The following PIAS4 variants were observed in gnomAD, a reference collection of about 807,000 sequenced individuals.
PIAS4 encodes the protein protein inhibitor of activated STAT 4.
A neutral mutation model predicts 58.0 loss-of-function variants in PIAS4; 7 were observed. The observed-to-expected ratio is 0.12, with a 90% confidence interval of 0.07 to 0.23. The LOEUF (loss-of-function observed/expected upper bound fraction) is 0.23. PIAS4 is among the 10% of genes least tolerant of loss of function. The pLI, the probability that PIAS4 is intolerant of heterozygous loss-of-function variation, is 1.00. For synonymous variants in PIAS4, 364 were observed against 312.4 expected (o/e 1.17, Z -1.74); for missense variants, 550 against 709.5 (o/e 0.78, Z 2.55).
At chr19:4,019,105 C>T (rs1020798202) in intron 2 of PIAS4, among the ~76,000 whole-genome samples, 3 of 152,108 alleles carry the variant, frequency 2.0e-5, no homozygotes, top group Non-Finnish European at 4.4e-5. Flanking sequence ...ACAGGACTGG[C>T]TGAGGGAGTG....
At chr19:4,029,412 C>G (rs1035816202) in intron 7 of PIAS4, among the ~76,000 whole-genome samples, 4 of 152,162 alleles carry the variant, frequency 2.6e-5, no homozygotes, top group African/African-American at 7.2e-5. Flanking sequence ...TTCTCGTTGC[C>G]TCAGCGGGGC....
Position 4,033,166 on chromosome 19 carries a change from T to A in PIAS4, c.974T>A (p.Ile325Asn). 6.2e-7 allele frequency: 1 copy of A among 1,609,794 alleles called. No individual in the cohort carries two copies. Among genetic ancestry groups the A allele is most frequent in the Non-Finnish European group, 8.5e-7 (1 of 1,179,422 alleles). The change falls in exon 8 of 11, where the codon ATC (isoleucine) becomes AAC (asparagine). Residue 325 changes from isoleucine (I) to asparagine (N), a missense_variant. Around this residue, in one of 4 missense-constraint regions of PIAS4, gnomAD observed 225 missense variants for 345.8 expected, o/e 0.65. Coordinates refer to ENST00000262971, the MANE Select transcript of PIAS4 (RefSeq NM_015897.4). ...IATTGVRVSL[I>N]CPLVKMRLSV... ...ACCACCGGTGTGCGGGTGTCCCTCA[T>A]CTGTCCGGTGAGTCGGGGCGCGGTC...
chr19:4,010,561 C>T (rs1172754478), intron 1 of PIAS4, among the ~76,000 whole-genome samples: 1 of 152,240 alleles, frequency 6.6e-6, no homozygotes, highest in Non-Finnish European at 1.5e-5. Context: ...GACTCTCAGG[C>T]CCAGCAGACC....
chr19:4,037,328 G>C lies in PIAS4; in HGVS notation c.1143-46G>C. 1 of 1,568,026 alleles carries C rather than the reference G, an allele frequency of 6.4e-7. No homozygotes were observed. Among genetic ancestry groups the C allele is most frequent in the Non-Finnish European group, 8.7e-7 (1 of 1,155,188 alleles). On this transcript the variant is annotated intron_variant, in intron 9 of 10. Transcript: ENST00000262971. This position sits in a 1 kb window ranked among gnomAD's most constrained non-coding sequence, Gnocchi z 5.8. The stretch of plus-strand genomic sequence containing the variant: ...GGATGGAGGGCTGGGGAGTTGGGGG[G>C]GTGGGGCACCTCCAGCCCCGGCGTC...
chr19:4,032,973 A>G, intron 7 of PIAS4, 127 bp from the exon 8 acceptor site: 1 of 728,400 alleles, frequency 1.4e-6, no homozygotes. Context: ...CACACAGCGA[A>G]GCTTGGGACT....
chr19:4,023,342 G>C (rs908279867), intron 2 of PIAS4, among the ~76,000 whole-genome samples: 2 of 151,938 alleles, frequency 1.3e-5, no homozygotes, highest in East Asian at 1.9e-4. Flanking sequence ...AGCCAGGCTT[G>C]GTGGCTATTC....
Position 4,029,029 on chromosome 19 carries a change from G to C in PIAS4, c.900G>C (p.Lys300Asn). The change falls in exon 7 of 11, where the codon AAG (lysine) becomes AAC (asparagine). Residue 300 changes from lysine to asparagine, a missense_variant. By Grantham distance (94) the Lys-to-Asn change is moderately conservative. Coordinates refer to ENST00000262971, the MANE Select transcript of PIAS4 (RefSeq NM_015897.4). ...GGGTAAAGCACCCGGAGCTGTGCAA[G>C]GCACTGGGTGAGCAGCTCAGGCCAC... ...TIGVKHPELC[K>N]ALVKEKLRLD... is the part of the protein sequence containing the mutation. The C allele has an allele frequency of 6.2e-7, 1 of 1,600,798 alleles. No homozygotes were observed. The highest frequency in any genetic ancestry group is 8.5e-7 in the Non-Finnish European group (1 of 1,173,508).
chr19:4,019,852 G>A (rs1455014347), intron 2 of PIAS4, among the ~76,000 whole-genome samples: 1 of 152,184 alleles, frequency 6.6e-6, no homozygotes, highest in African/African-American at 2.4e-5. Flanking sequence ...AACATGGGCG[G>A]GACGTGCAGG....
intron 1 of PIAS4, among the ~76,000 whole-genome samples, chr19:4,011,640 T>G (rs994777696): frequency 1.2e-4 from 17 of 144,758 alleles, no homozygotes; most frequent in African/African-American, 3.3e-4. Flanking sequence ...GGAGGTGTGT[T>G]TGGTGTGGAG....
At chr19:4,029,107 A>G in intron 7 of PIAS4, 71 bp downstream of exon 7, 1 of 1,130,456 alleles carries the variant, frequency 8.8e-7, no homozygotes, top group Non-Finnish European at 1.3e-6. Context: ...TGCTGGGTGA[A>G]GCGGGGGGCC....
chr19:4,019,710 CG>C (rs1020123823), intron 2 of PIAS4, among the ~76,000 whole-genome samples: 2 of 152,148 alleles, frequency 1.3e-5, no homozygotes, highest in African/African-American at 4.8e-5. Flanking sequence ...AGGGCCCAGC[CG>C]GGACTCCACA....
chr19:4,020,513 G>A (rs2040098734), intron 2 of PIAS4, among the ~76,000 whole-genome samples: 1 of 152,188 alleles, frequency 6.6e-6, no homozygotes, highest in African/African-American at 2.4e-5. Context: ...ACGCTCTTCC[G>A]ATATTTTTTA....
At chr19:4,030,055 C>A (rs544751279) in intron 7 of PIAS4, among the ~76,000 whole-genome samples, 2 of 151,742 alleles carry the variant, frequency 1.3e-5, no homozygotes, top group African/African-American at 4.8e-5. Context: ...AGCTCCTGAC[C>A]TCGTGATCCG....
chr19:4,009,948 G>A (rs1324920206), intron 1 of PIAS4, among the ~76,000 whole-genome samples: 1 of 152,166 alleles, frequency 6.6e-6, no homozygotes, highest in East Asian at 1.9e-4. Flanking sequence ...CTGGAGAGAG[G>A]CGCCTTCCTG....
Position 4,013,184 on chromosome 19 carries a change from C to G in PIAS4, c.289C>G (p.Pro97Ala). The stretch of plus-strand genomic sequence containing the variant: ...CACCTACGACCGGGCCGGCGCTGTG[C>G]CCAGGACTCCGCTGGCAGGCCCCAA... Reference protein sequence around the residue: ...HSTYDRAGAVPRTPLAGPNID... With the variant: ...HSTYDRAGAVARTPLAGPNID... The change falls in exon 2 of 11, where the codon CCC becomes GCC. Residue 97 changes from proline to alanine, a missense_variant. By Grantham distance (27) the Pro-to-Ala change is conservative. Around this residue, in one of 4 missense-constraint regions of PIAS4, gnomAD observed 95 missense variants for 87.5 expected, o/e 1.09. Coordinates refer to ENST00000262971, the MANE Select transcript of PIAS4 (RefSeq NM_015897.4). The surrounding 1 kb of genome is among the most constrained non-coding windows in gnomAD (Gnocchi z 5.1). The G allele has an allele frequency of 6.2e-7, 1 of 1,613,512 alleles. No individual in the cohort carries two copies. Among genetic ancestry groups the G allele is most frequent in the African/African-American group, 1.3e-5 (1 of 75,048 alleles).
intron 4 of PIAS4, 81 bp from the exon 5 acceptor site, chr19:4,028,429 C>A: frequency 2.8e-6 from 3 of 1,069,434 alleles, no homozygotes; most frequent in Non-Finnish European, 4.2e-6. Flanking sequence ...TGCCGCCTGG[C>A]TACCACTCGT....
chr19:4,020,726 C>T (rs1382159783), intron 2 of PIAS4, among the ~76,000 whole-genome samples: 3 of 152,140 alleles, frequency 2.0e-5, no homozygotes, highest in Admixed American at 6.5e-5. Flanking sequence ...TCCTGAGTAG[C>T]GGGAATGACA....
chr19:4,036,376 T>C lies in PIAS4; in HGVS notation c.1143-998T>C, dbSNP rs549304389. Among the ~76,000 whole-genome samples the C allele has an allele frequency of 1.7e-5, 2 of 118,380 alleles. 1 individual carries two copies. The highest frequency in any genetic ancestry group is 3.7e-5 in the Non-Finnish European group (2 of 54,108). 77.7% of individuals were successfully genotyped at this position (118,380 alleles called of 152,430 possible). On this transcript the variant is annotated intron_variant, in intron 9 of 10. Coordinates refer to ENST00000262971, the MANE Select transcript of PIAS4 (RefSeq NM_015897.4). ...TCACACATCTATACAGTCCACACCG[T>C]CATACACACACACGTCTATACAGTC...
At chr19:4,020,304 G>A (rs77104124) in intron 2 of PIAS4, among the ~76,000 whole-genome samples, 2,121 of 152,260 alleles carry the variant, frequency 0.014, 50 homozygotes, top group African/African-American at 0.049. Flanking sequence ...AGGCCCTGTC[G>A]TGGGTGCAGG....
Sources: gnomAD v4.1 joint callset for allele counts (sites outside exome capture counted in the v4.1 genomes callset) on GRCh38, gnomAD v4.1.1 for gene constraint, gnomAD v4.1.1 regional missense constraint, Gnocchi (gnomAD v3.1) non-coding constraint, MANE v1.5 for transcripts, NCBI Gene and HGNC (gene_info 2026-07-23, HGNC 2026-07-21) for gene names.